LIN28B: variants seen among roughly 807,000 people sequenced by gnomAD.
LIN28B encodes protein lin-28 homolog B.
In LIN28B, 5 loss-of-function variants were observed where a neutral mutation model predicts 21.9. The observed-to-expected ratio is 0.23, with a 90% CI of 0.12 to 0.48. The LOEUF (loss-of-function observed/expected upper bound fraction) is 0.48, where lower values mean the gene tolerates loss of function less well. LIN28B is among the 20% of genes least tolerant of loss of function. The pLI, the probability that LIN28B is intolerant of heterozygous loss-of-function variation, is 0.98. For synonymous variants in LIN28B, 109 were observed against 111.3 expected (o/e 0.98, Z 0.13); for missense variants, 245 against 310.5 (o/e 0.79, Z 1.58).
At chr6:105,052,916 A>G (rs1771936444) in intron 3 of LIN28B, among the ~76,000 whole-genome samples, 1 of 151,770 alleles carries the variant, frequency 6.6e-6, no homozygotes, top group African/African-American at 2.4e-5. Context: ...TACTTTATTT[A>G]CTTTTGGTTT....
chr6:104,980,244 T>C (rs890255899), intron 2 of LIN28B, among the ~76,000 whole-genome samples: 1 of 152,246 alleles, frequency 6.6e-6, no homozygotes, highest in African/African-American at 2.4e-5. Flanking sequence ...CAAGTTTTGA[T>C]GAATCTATAT....
intron 2 of LIN28B, among the ~76,000 whole-genome samples, chr6:104,970,327 T>C (rs1769948155): frequency 6.6e-6 from 1 of 152,198 alleles, no homozygotes; most frequent in South Asian, 2.1e-4. Context: ...GGATAGCTAA[T>C]ACCAAGCTTT....
At chr6:104,977,879 T>C (rs1478160107) in intron 2 of LIN28B, among the ~76,000 whole-genome samples, 1 of 152,214 alleles carries the variant, frequency 6.6e-6, no homozygotes, top group Non-Finnish European at 1.5e-5. Flanking sequence ...TGTATGCCTT[T>C]CTTATAATTC....
intron 2 of LIN28B, among the ~76,000 whole-genome samples, chr6:104,978,774 C>T (rs1237129692): frequency 6.6e-6 from 1 of 152,086 alleles, no homozygotes; most frequent in African/African-American, 2.4e-5. Flanking sequence ...ATCCAACATC[C>T]ATTTCTTCCC....
At chr6:105,002,665 A>G (rs1770742424) in intron 2 of LIN28B, among the ~76,000 whole-genome samples, 1 of 152,226 alleles carries the variant, frequency 6.6e-6, no homozygotes, top group African/African-American at 2.4e-5. Flanking sequence ...GGACTCCTTT[A>G]GAGCATATAT....
intron 3 of LIN28B, among the ~76,000 whole-genome samples, chr6:105,051,850 G>GAC (rs1771913269): frequency 6.6e-6 from 1 of 152,206 alleles, no homozygotes; most frequent in Admixed American, 6.5e-5. Flanking sequence ...TGACGTCCTG[G>GAC]AGCACAGATT....
At chr6:105,031,936 C>T (rs1288730837) in intron 3 of LIN28B, among the ~76,000 whole-genome samples, 1 of 152,110 alleles carries the variant, frequency 6.6e-6, no homozygotes, top group African/African-American at 2.4e-5. Context: ...AATGGTTACC[C>T]CTTCCCCACC....
chr6:104,959,656 C>A (rs1165439087), intron 2 of LIN28B, among the ~76,000 whole-genome samples: 1 of 152,172 alleles, frequency 6.6e-6, no homozygotes, highest in African/African-American at 2.4e-5. Flanking sequence ...TACAAGTCCA[C>A]ATACAGACTA....
At chr6:105,069,655 G>A (rs1171792270) in intron 3 of LIN28B, among the ~76,000 whole-genome samples, 1 of 150,668 alleles carries the variant, frequency 6.6e-6, no homozygotes, top group Non-Finnish European at 1.5e-5. Context: ...TGCCACTGTA[G>A]TCCAGCCTGG....
intron 2 of LIN28B, among the ~76,000 whole-genome samples, chr6:105,005,992 T>C (rs78400456): frequency 0.029 from 4,395 of 152,324 alleles, 66 homozygotes; most frequent in Middle Eastern, 0.13. Flanking sequence ...TGAGGAATAT[T>C]AATTGCAGTT....
chr6:105,048,031 C>G (rs943950469), intron 3 of LIN28B, among the ~76,000 whole-genome samples: 5 of 152,314 alleles, frequency 3.3e-5, no homozygotes, highest in South Asian at 2.1e-4. Context: ...GCCTGATTGC[C>G]TTGGCCAGAA....
At chr6:104,945,854 A>C (rs1312522249) in intron 2 of LIN28B, among the ~76,000 whole-genome samples, 1 of 152,108 alleles carries the variant, frequency 6.6e-6, no homozygotes, top group Non-Finnish European at 1.5e-5. Context: ...AATTTTGAAA[A>C]TATGCCAGTC....
At chr6:105,034,685 C>A (rs777259536) in intron 3 of LIN28B, among the ~76,000 whole-genome samples, 7 of 152,000 alleles carry the variant, frequency 4.6e-5, no homozygotes, top group Non-Finnish European at 8.8e-5. Flanking sequence ...GAAACAGAAA[C>A]CAATTATGTC....
At position 105,081,188 on chromosome 6, in the gene LIN28B, C is replaced by T. The variant is rs1772535856; in HGVS notation, c.*2405C>T. 1 of 152,586 alleles carries T rather than the reference C, an allele frequency of 6.6e-6. No individual in the cohort carries two copies. The highest frequency in any genetic ancestry group is 6.5e-5 in the Admixed American group (1 of 15,272). 9.5% of individuals were successfully genotyped at this position (152,586 alleles called of 1,614,324 possible). ...TTTCTTTACAGACTAGTCTACAGTC[C>T]TGCTTACTCAAAACAAACCAAATAA... On this transcript the variant is annotated 3_prime_UTR_variant, in exon 4 of 4. Transcript: ENST00000345080.
chr6:104,960,556 T>C (rs1769718640), intron 2 of LIN28B, among the ~76,000 whole-genome samples: 1 of 152,128 alleles, frequency 6.6e-6, no homozygotes, highest in Admixed American at 6.5e-5. Flanking sequence ...TCAAAATTTT[T>C]AAAATATATG....
Position 104,975,020 on chromosome 6 carries a change from A to C in LIN28B, c.198+16734A>C, listed in dbSNP as rs188174491. Among the ~76,000 whole-genome samples the C allele has an allele frequency of 6.7e-4, 102 of 152,140 alleles. 2 individuals are homozygous for C. The highest frequency in any genetic ancestry group is 2.3e-3 in the African/African-American group (97 of 41,538). On this transcript the variant is annotated intron_variant, in intron 2 of 3. Transcript: ENST00000345080. ...TTTTTAGTAGACATGGGGTTTCACC[A>C]TGTTGGCCAGGCTGGTCTTGAACTC... is the stretch of plus-strand genomic sequence containing the variant.
chr6:105,030,840 C>A (rs1427445268), intron 3 of LIN28B, among the ~76,000 whole-genome samples: 1 of 152,050 alleles, frequency 6.6e-6, no homozygotes, highest in Non-Finnish European at 1.5e-5. Flanking sequence ...AGGTGATTCG[C>A]CTGCCTCAGC....
At chr6:105,047,682 CTT>C (rs1771799527) in intron 3 of LIN28B, among the ~76,000 whole-genome samples, 1 of 152,172 alleles carries the variant, frequency 6.6e-6, no homozygotes, top group South Asian at 2.1e-4. Flanking sequence ...TTTGTGTCCT[CTT>C]TTATTTCACT....
intron 3 of LIN28B, among the ~76,000 whole-genome samples, chr6:105,030,257 T>C (rs1582906290): frequency 6.6e-6 from 1 of 152,262 alleles, no homozygotes; most frequent in East Asian, 1.9e-4. Context: ...AAAACAAGAT[T>C]TGACAGTGTG....
Sources: allele counts gnomAD v4.1 joint callset (sites outside exome capture counted in the v4.1 genomes callset), GRCh38; gene constraint gnomAD v4.1.1; transcripts MANE v1.5; gene names NCBI Gene and HGNC (gene_info 2026-07-23, HGNC 2026-07-21).